SPAG16: variants seen among roughly 807,000 people sequenced by gnomAD.
The protein encoded by SPAG16 is sperm associated antigen 16.
A neutral mutation model predicts 80.4 loss-of-function variants in SPAG16; 86 were observed. That is an observed-to-expected ratio of 1.07 (90% CI 0.90 to 1.28). The LOEUF (loss-of-function observed/expected upper bound fraction) is 1.28. Ranked by LOEUF, SPAG16 falls within the 50% of genes most tolerant of loss-of-function variation. The pLI is 0.00. For synonymous variants in SPAG16, 294 were observed against 265.9 expected (o/e 1.11, Z -1.03); for missense variants, 870 against 765.3 (o/e 1.14, Z -1.61).
intron 15 of SPAG16, among the ~76,000 whole-genome samples, chr2:214,155,882 A>T (rs1395968993): frequency 6.6e-6 from 1 of 152,006 alleles, no homozygotes; most frequent in Non-Finnish European, 1.5e-5. Flanking sequence ...GAGACAAAGC[A>T]TTAACAGGCC....
At position 213,860,665 on chromosome 2, in the gene SPAG16, C is replaced by T. The variant is rs572463088; in HGVS notation, c.1071-1820C>T. On this transcript the variant is annotated intron_variant, in intron 10 of 15. Coordinates refer to ENST00000331683, the MANE Select transcript of SPAG16 (RefSeq NM_024532.5). The stretch of plus-strand genomic sequence containing the variant: ...TGAGAAGAGTCAGAAAAAAGTACTT[C>T]CAAATCTGATTAGCTATCAGTGGGT... Among the ~76,000 whole-genome samples the T allele has an allele frequency of 1.8e-4, 27 of 151,922 alleles. No homozygotes were observed. The East Asian group carries it at 5.0e-3, about 28-fold the overall frequency.
chr2:213,897,614 A>AT (rs34080486), intron 11 of SPAG16, among the ~76,000 whole-genome samples: 89,355 of 151,592 alleles, frequency 0.59, 28,121 homozygotes, highest in South Asian at 0.84. Context: ...TCATCTGCCT[A>AT]TATTGGTCTC....
At chr2:213,429,608 A>T (rs1049009878) in intron 9 of SPAG16, among the ~76,000 whole-genome samples, 1 of 152,224 alleles carries the variant, frequency 6.6e-6, no homozygotes, top group African/African-American at 2.4e-5. Context: ...GTTTCACATA[A>T]CATTTGCTAC....
chr2:213,974,660 T>TTTATA (rs2045262555), intron 12 of SPAG16, among the ~76,000 whole-genome samples: 2 of 152,128 alleles, frequency 1.3e-5, no homozygotes, highest in Admixed American at 6.6e-5. Flanking sequence ...ATATATGCTT[T>TTTATA]CTATAAGTAT....
At chr2:214,048,407 A>C (rs1020957677) in intron 13 of SPAG16, among the ~76,000 whole-genome samples, 9 of 152,196 alleles carry the variant, frequency 5.9e-5, no homozygotes, top group African/African-American at 1.9e-4. Context: ...CACTTGCAAC[A>C]ACATGGATGA....
At chr2:214,057,418 CT>C (rs955597537) in intron 13 of SPAG16, among the ~76,000 whole-genome samples, 9 of 151,772 alleles carry the variant, frequency 5.9e-5, no homozygotes, top group Non-Finnish European at 1.3e-4. Flanking sequence ...TATTATTAAT[CT>C]TTTTTTTGGA....
intron 14 of SPAG16, among the ~76,000 whole-genome samples, chr2:214,148,747 CAT>C (rs2055795610): frequency 6.6e-6 from 1 of 151,928 alleles, no homozygotes; most frequent in Non-Finnish European, 1.5e-5. Flanking sequence ...TTATGTGTCA[CAT>C]ATATCATATG....
intron 3 of SPAG16, among the ~76,000 whole-genome samples, chr2:213,305,870 G>A (rs1483917732): frequency 6.6e-6 from 1 of 152,130 alleles, no homozygotes; most frequent in Admixed American, 6.6e-5. Flanking sequence ...AATGAGTTTT[G>A]AAGTACTCCC....
At chr2:213,537,697 G>A (rs960885247) in intron 10 of SPAG16, among the ~76,000 whole-genome samples, 5 of 152,056 alleles carry the variant, frequency 3.3e-5, no homozygotes, top group Admixed American at 3.3e-4. Flanking sequence ...TTTCAGTTTG[G>A]TTTAGTTTAC....
At position 213,696,681 on chromosome 2, in the gene SPAG16, T is replaced by G. The variant is rs536051721; in HGVS notation, c.1071-165804T>G. Among the ~76,000 whole-genome samples the G allele has an allele frequency of 2.6e-5, 4 of 152,328 alleles. No homozygotes were observed. The East Asian group carries it at 7.7e-4, about 29-fold the overall frequency. ...AAAGAAAAAGATGCAAATGACCAAC[T>G]GTTTAGCTGAGAAACTAGTAATGTT... On this transcript the variant is annotated intron_variant, in intron 10 of 15. Transcript: ENST00000331683.
At chr2:213,832,325 G>C (rs1212596182) in intron 10 of SPAG16, among the ~76,000 whole-genome samples, 1 of 151,956 alleles carries the variant, frequency 6.6e-6, no homozygotes. Flanking sequence ...CTCAGAACAC[G>C]ATACCCCGAA....
chr2:213,399,225 T>G (rs999987754), intron 9 of SPAG16, among the ~76,000 whole-genome samples: 1 of 152,092 alleles, frequency 6.6e-6, no homozygotes, highest in African/African-American at 2.4e-5. Flanking sequence ...GCATCTGATG[T>G]TTCAACACAA....
chr2:213,852,013 A>G (rs1337434688), intron 10 of SPAG16, among the ~76,000 whole-genome samples: 1 of 152,248 alleles, frequency 6.6e-6, no homozygotes, highest in East Asian at 1.9e-4. Context: ...CTGAAAATGA[A>G]TAAGATCCAC....
chr2:213,715,005 G>A (rs1365289781), intron 10 of SPAG16, among the ~76,000 whole-genome samples: 1 of 152,124 alleles, frequency 6.6e-6, no homozygotes, highest in Non-Finnish European at 1.5e-5. Context: ...TCAGCTGGCC[G>A]TTAGAAGCTA....
chr2:213,903,895 A>C (rs891724191), intron 11 of SPAG16, among the ~76,000 whole-genome samples: 1 of 152,134 alleles, frequency 6.6e-6, no homozygotes, highest in Non-Finnish European at 1.5e-5. Flanking sequence ...AGTTCCACAC[A>C]TCTCTAGGGC....
intron 15 of SPAG16, among the ~76,000 whole-genome samples, chr2:214,194,540 C>T (rs898103326): frequency 6.6e-6 from 1 of 152,038 alleles, no homozygotes; most frequent in Admixed American, 6.6e-5. Context: ...AAATTTGTGT[C>T]TGTTTTACTA....
intron 14 of SPAG16, among the ~76,000 whole-genome samples, chr2:214,122,206 C>G (rs993815672): frequency 2.6e-4 from 40 of 151,486 alleles, no homozygotes; most frequent in Non-Finnish European, 5.6e-4. Context: ...TAAAATTATC[C>G]TAAAAAAGAA....
intron 8 of SPAG16, among the ~76,000 whole-genome samples, chr2:213,373,608 G>A (rs2066749342): frequency 6.6e-6 from 1 of 152,048 alleles, no homozygotes; most frequent in East Asian, 1.9e-4. Context: ...GTGGCCTTTA[G>A]CAATGTCTTG....
chr2:214,290,572 G>A (rs1471014593), intron 15 of SPAG16, among the ~76,000 whole-genome samples: 1 of 152,022 alleles, frequency 6.6e-6, no homozygotes, highest in African/African-American at 2.4e-5. Flanking sequence ...GGGTATTTTT[G>A]TATTTCCATT....
Sources: gnomAD v4.1 joint callset for allele counts (sites outside exome capture counted in the v4.1 genomes callset) on GRCh38, gnomAD v4.1.1 for gene constraint, MANE v1.5 for transcripts, NCBI Gene and HGNC (gene_info 2026-07-23, HGNC 2026-07-21) for gene names.